Variants in DNAI2 observed in about 807,000 individuals in gnomAD.
DNAI2 encodes the protein dynein, axonemal, intermediate polypeptide 2.
DNAI2 carries 63 observed loss-of-function variants against 74.7 expected under a neutral mutation model. The observed-to-expected ratio is 0.84, with a 90% confidence interval of 0.69 to 1.04. The LOEUF is 1.04. Among genes scored for constraint, DNAI2 ranks in the 50% least tolerant of loss-of-function variants. DNAI2 has a pLI of 0.00. For synonymous variants in DNAI2, 289 were observed against 314.9 expected, an observed-to-expected ratio of 0.92 and a Z score of 0.87; for missense variants, 688 against 803.2, an observed-to-expected ratio of 0.86 and a Z score of 1.73.
intron 12 of DNAI2, 23 bp from the exon 13 acceptor site, chr17:74,314,098 T>G: frequency 6.2e-7 from 1 of 1,613,168 alleles, no homozygotes; most frequent in South Asian, 1.1e-5. Context: ...ACACCAACAC[T>G]TCTGTGCTGT....
chr17:74,305,170 G>C, intron 8 of DNAI2, 49 bp from the exon 9 acceptor site: 2 of 1,600,664 alleles, frequency 1.2e-6, no homozygotes, highest in Non-Finnish European at 1.7e-6. Context: ...GCTAATCCCA[G>C]AATTGATGGT....
In DNAI2 at chr17:74,314,605, G is replaced by A; in HGVS notation, c.*72G>A. ...ACCTTGCAGACCCTCAACCAGACTT[G>A]CATGGCCATGGCAGGGCCTCGGGAA... is the stretch of plus-strand genomic sequence containing the variant. On this transcript the variant is annotated 3_prime_UTR_variant, in exon 14 of 14. Transcript: ENST00000311014. 3.5e-6 allele frequency: 1 copy of A among 282,288 alleles called. No individual in the cohort carries two copies. 17.5% of individuals were successfully genotyped at this position (282,288 alleles called of 1,614,324 possible).
At chr17:74,274,878 G>A (rs910176128) in intron 1 of DNAI2, among the ~76,000 whole-genome samples, 2 of 152,164 alleles carry the variant, frequency 1.3e-5, no homozygotes, top group Admixed American at 6.5e-5. Flanking sequence ...CATACAGTTG[G>A]TGAGTTCCTC....
chr17:74,303,245 A>G (rs2052970221), intron 8 of DNAI2, among the ~76,000 whole-genome samples: 1 of 151,980 alleles, frequency 6.6e-6, no homozygotes, highest in Admixed American at 6.6e-5. Flanking sequence ...CAGGGCTCCA[A>G]CTCTGAGGCC....
At chr17:74,314,054 T>A in intron 12 of DNAI2, 67 bp from the exon 13 acceptor site, 1 of 1,611,130 alleles carries the variant, frequency 6.2e-7, no homozygotes, top group Non-Finnish European at 8.5e-7. Flanking sequence ...GGGGTTCACA[T>A]CCCAGGGGAG....
At chr17:74,303,064 G>GT (rs534259620) in intron 8 of DNAI2, among the ~76,000 whole-genome samples, 276 of 152,336 alleles carry the variant, frequency 1.8e-3, no homozygotes, top group African/African-American at 6.1e-3. Context: ...CCCTTGCAGG[G>GT]TGCACACTGT....
At chr17:74,294,298 C>CT (rs113049803) in intron 6 of DNAI2, among the ~76,000 whole-genome samples, 39,784 of 139,478 alleles carry the variant, frequency 0.29, 6,130 homozygotes, top group East Asian at 0.67. Context: ...CTTATCATTT[C>CT]TTTTTTTTTT....
In DNAI2 at chr17:74,314,163, G is replaced by C; in HGVS notation, c.1765G>C (p.Glu589Gln). The C allele has an allele frequency of 6.2e-7, 1 of 1,614,220 alleles. No homozygotes were observed. The highest frequency in any genetic ancestry group is 8.5e-7 in the Non-Finnish European group (1 of 1,180,026). Residue 589 changes from glutamate (E) to glutamine (Q), a missense_variant, in exon 13 of 14, where the codon GAG becomes CAG. Coordinates refer to ENST00000311014, the MANE Select transcript of DNAI2 (RefSeq NM_023036.6). ...PEEDQVVEEG[E>Q]EAAGEEGDEE... Reference sequence around the variant, plus strand: ...AGAAGACCAGGTGGTGGAGGAGGGAGAGGAAGCAGCGGGGGAAGAAGGGGA... The same window carrying C: ...AGAAGACCAGGTGGTGGAGGAGGGACAGGAAGCAGCGGGGGAAGAAGGGGA...
rs962050795 is a variant in DNAI2 at position 74,284,409 on chromosome 17, T to TTTTTTC, written c.184-619_184-614dup. ...GTGAAGAAAGGCTATTCACTTTTTCTTTTTTCTTTTTCTTTTTTTTTGAGA... is the reference window on the plus strand; with the variant it reads ...GTGAAGAAAGGCTATTCACTTTTTCTTTTTTCTTTTTCTTTTTCTTTTTTTTTGAGA... On this transcript the variant is annotated intron_variant, in intron 2 of 13. Coordinates refer to ENST00000311014, the MANE Select transcript of DNAI2 (RefSeq NM_023036.6). Among the ~76,000 whole-genome samples the TTTTTTC allele has an allele frequency of 2.2e-4, 34 of 152,082 alleles. 1 individual carries two copies. Among genetic ancestry groups the TTTTTTC allele is most frequent in the African/African-American group, 8.2e-4 (34 of 41,410 alleles).
In DNAI2 at chr17:74,286,875, A is replaced by C. The variant is rs2051778297; in HGVS notation, c.346-102A>C. On this transcript the variant is annotated intron_variant, in intron 3 of 13. Coordinates refer to ENST00000311014, the MANE Select transcript of DNAI2 (RefSeq NM_023036.6). ...AGCACATGGTTAGGTGGATGGGAAA[A>C]GCCCCTGGCTATGTCCTGTCCCTCC... 5 of 1,506,836 alleles carry C rather than the reference A, an allele frequency of 3.3e-6. No homozygotes were observed. The Admixed American group carries it at 8.4e-5, about 25-fold the overall frequency. 93.3% of individuals were successfully genotyped at this position (1,506,836 alleles called of 1,614,324 possible).
intron 6 of DNAI2, among the ~76,000 whole-genome samples, chr17:74,291,520 G>A (rs1477110779): frequency 1.3e-5 from 2 of 152,202 alleles, no homozygotes; most frequent in African/African-American, 4.8e-5. Flanking sequence ...AGCCCACATG[G>A]CAGCCTGGGC....
chr17:74,284,987 G>A, intron 2 of DNAI2, 53 bp from the exon 3 acceptor site: 2 of 1,612,428 alleles, frequency 1.2e-6, no homozygotes, highest in Non-Finnish European at 1.7e-6. Flanking sequence ...AAGTGGCCGA[G>A]GGTTTGGGAG....
At chr17:74,307,286 A>G (rs1309924724) in intron 9 of DNAI2, 1 of 456,286 alleles carries the variant, frequency 2.2e-6, no homozygotes, top group Non-Finnish European at 4.4e-6. Context: ...GCTGGTTCCT[A>G]GAGGGACTTG....
chr17:74,293,703 CA>C (rs1426987845), intron 6 of DNAI2, among the ~76,000 whole-genome samples: 3 of 150,754 alleles, frequency 2.0e-5, no homozygotes, highest in Non-Finnish European at 3.0e-5. Flanking sequence ...GACTCCATCT[CA>C]AAAAAATAAA....
In DNAI2 at chr17:74,305,206, A is replaced by G; in HGVS notation, c.988-13A>G. 1 of 1,613,246 alleles carries G rather than the reference A, an allele frequency of 6.2e-7. No homozygotes were observed. The highest frequency in any genetic ancestry group is 8.5e-7 in the Non-Finnish European group (1 of 1,179,676). ...TCGTGGAGTCTTCCCCTCCTGTGTC[A>G]CTCCTTCCACAGCCCACCAAGTTCA... On this transcript the variant is annotated splice_polypyrimidine_tract_variant and intron_variant, in intron 8 of 13. Coordinates refer to ENST00000311014, the MANE Select transcript of DNAI2 (RefSeq NM_023036.6).
intron 8 of DNAI2, among the ~76,000 whole-genome samples, chr17:74,303,847 C>G (rs1567867988): frequency 6.6e-6 from 1 of 151,928 alleles, no homozygotes; most frequent in Non-Finnish European, 1.5e-5. Context: ...GCTGGGGGGC[C>G]AGGTGCAGTG....
At chr17:74,288,220 C>A (rs564960636) in intron 4 of DNAI2, among the ~76,000 whole-genome samples, 6 of 152,322 alleles carry the variant, frequency 3.9e-5, no homozygotes, top group African/African-American at 1.4e-4. Context: ...ATTACATGAG[C>A]TGTTCACCTC....
rs1377969754 is a variant in DNAI2, at chr17:74,301,054, G to A, written c.873G>A (p.Trp291Ter). 6.2e-7 allele frequency: 1 copy of A among 1,614,034 alleles called. No homozygotes were observed. Among genetic ancestry groups the A allele is most frequent in the Non-Finnish European group, 8.5e-7 (1 of 1,179,956 alleles). Reference protein sequence around the residue: ...FSASTDGQVMWWDIRKMSEPT... With the variant: ...FSASTDGQVM ...GCCCCTCCTCCCACCAGGTCATGTG[G>A]TGGGACATCCGAAAGATGAGCGAGC... Residue 291 changes from tryptophan to a stop codon, truncating the protein, a stop_gained, in exon 8 of 14, where the codon TGG becomes TGA. Coordinates refer to ENST00000311014, the MANE Select transcript of DNAI2 (RefSeq NM_023036.6). LOFTEE classifies it high-confidence loss of function.
chr17:74,288,167 A>G (rs934270480), intron 4 of DNAI2, among the ~76,000 whole-genome samples: 3 of 152,216 alleles, frequency 2.0e-5, no homozygotes, highest in Non-Finnish European at 4.4e-5. Flanking sequence ...TCAAGTACCC[A>G]TACAACCATT....
Sources: gnomAD v4.1 joint callset for allele counts (sites outside exome capture counted in the v4.1 genomes callset) on GRCh38, gnomAD v4.1.1 for gene constraint, MANE v1.5 for transcripts, NCBI Gene and HGNC (gene_info 2026-07-23, HGNC 2026-07-21) for gene names.